The following RTN1 variants were observed in gnomAD, a reference collection of about 807,000 sequenced individuals.
RTN1 encodes the protein reticulon-1.
RTN1 carries 25 observed loss-of-function variants against 65.5 expected under a neutral mutation model. The observed-to-expected ratio is 0.38, with a 90% CI of 0.28 to 0.53. The LOEUF is 0.53. Ranked by LOEUF, RTN1 falls within the 20% of genes least tolerant of loss-of-function variation. The probability of loss-of-function intolerance (pLI) is 0.79; values close to 1 mark genes in which losing one functional copy is unlikely to be tolerated. For missense variants in RTN1, 983 were observed against 1,025.4 expected (o/e 0.96, Z 0.57); for synonymous variants, 471 against 447.6 (o/e 1.05, Z -0.66).
At chr14:59,850,876 T>A (rs1887493034) in intron 1 of RTN1, among the ~76,000 whole-genome samples, 1 of 152,180 alleles carries the variant, frequency 6.6e-6, no homozygotes, top group Admixed American at 6.5e-5. Flanking sequence ...GGGTAGGTTT[T>A]TTTCTCTTGC....
intron 8 of RTN1, among the ~76,000 whole-genome samples, chr14:59,602,265 G>C (rs1054916600): frequency 6.6e-6 from 1 of 152,012 alleles, no homozygotes; most frequent in Non-Finnish European, 1.5e-5. Context: ...TAATTAGATA[G>C]AGTTTTTGTG....
intron 3 of RTN1, among the ~76,000 whole-genome samples, chr14:59,615,498 T>C (rs987444901): frequency 1.3e-5 from 2 of 152,156 alleles, no homozygotes; most frequent in African/African-American, 4.8e-5. Context: ...CATACTGATG[T>C]GGGGCCTGAA....
At chr14:59,675,443 T>TTGG (rs754410932) in intron 3 of RTN1, among the ~76,000 whole-genome samples, 5 of 128,416 alleles carry the variant, frequency 3.9e-5, no homozygotes, top group African/African-American at 2.0e-4. Flanking sequence ...CCTATAGGAC[T>TTGG]TGGGGGGGGG....
Position 59,811,201 on chromosome 14 carries a change from T to C in RTN1, c.241+59189A>G, listed in dbSNP as rs1042124004. On this transcript the variant is annotated intron_variant, in intron 1 of 8. Transcript: ENST00000267484. ...GTCTATGGATACTCAGTAGGAATGT[T>C]TGCAGACTGTATCACTGAGTTGTAT... is the stretch of plus-strand genomic sequence containing the variant. Among the ~76,000 whole-genome samples the C allele has an allele frequency of 2.6e-5, 4 of 152,154 alleles. No individual in the cohort carries two copies. In the East Asian group the frequency reaches 7.7e-4, roughly 29 times the overall value.
chr14:59,803,638 C>T lies in RTN1; in HGVS notation c.242-57157G>A, dbSNP rs1886586258. The stretch of plus-strand genomic sequence containing the variant: ...ACAAGAGGTAAAAGTATTAATGTGA[C>T]CCACTTCTATTCATCATCCAGCTCT... On this transcript the variant is annotated intron_variant, in intron 1 of 8. Transcript: ENST00000267484. This position sits in a 1 kb window ranked among gnomAD's most constrained non-coding sequence, Gnocchi z 5.6. Among the ~76,000 whole-genome samples the T allele has an allele frequency of 2.0e-5, 3 of 152,154 alleles. No homozygotes were observed. Among genetic ancestry groups the T allele is most frequent in the Admixed American group, 2.0e-4 (3 of 15,262 alleles).
chr14:59,765,968 G>A (rs1185402204), intron 1 of RTN1, among the ~76,000 whole-genome samples: 3 of 152,174 alleles, frequency 2.0e-5, no homozygotes, highest in East Asian at 1.9e-4. Context: ...GGTGGCTCAC[G>A]CCTGTAATCC....
At chr14:59,626,235 C>T (rs1399857930) in intron 3 of RTN1, among the ~76,000 whole-genome samples, 4 of 152,104 alleles carry the variant, frequency 2.6e-5, no homozygotes, top group Admixed American at 2.6e-4. Flanking sequence ...CAGACTAGCT[C>T]CTTTCAGAAC....
intron 3 of RTN1, among the ~76,000 whole-genome samples, chr14:59,694,121 A>C (rs767851644): frequency 3.3e-5 from 5 of 152,188 alleles, no homozygotes; most frequent in African/African-American, 1.2e-4. Context: ...AAGGGTCTTC[A>C]TCGCCTTTTC....
chr14:59,639,250 T>C (rs1371441603), intron 3 of RTN1, among the ~76,000 whole-genome samples: 1 of 152,178 alleles, frequency 6.6e-6, no homozygotes, highest in Non-Finnish European at 1.5e-5. Flanking sequence ...TCAAGATCAC[T>C]GATCACAGAT....
intron 1 of RTN1, among the ~76,000 whole-genome samples, chr14:59,798,157 A>T (rs1413237082): frequency 6.6e-6 from 1 of 152,178 alleles, no homozygotes; most frequent in Non-Finnish European, 1.5e-5. Context: ...TTTTCAAAAA[A>T]TGTGTTAATT....
intron 8 of RTN1, among the ~76,000 whole-genome samples, chr14:59,599,714 C>T (rs1881519950): frequency 1.3e-5 from 2 of 152,182 alleles, no homozygotes; most frequent in South Asian, 2.1e-4. Context: ...CTGATCTATT[C>T]TGAGTATCTA....
intron 1 of RTN1, among the ~76,000 whole-genome samples, chr14:59,838,007 G>T (rs989768280): frequency 6.6e-6 from 1 of 152,090 alleles, no homozygotes; most frequent in South Asian, 2.1e-4. Flanking sequence ...TGGGTATAAT[G>T]CATGATACTG....
intron 3 of RTN1, among the ~76,000 whole-genome samples, chr14:59,695,998 C>T (rs533437277): frequency 1.6e-4 from 24 of 151,834 alleles, no homozygotes; most frequent in Non-Finnish European, 2.4e-4. Flanking sequence ...ATATAAAATA[C>T]GTAGTTTTGA....
intron 8 of RTN1, among the ~76,000 whole-genome samples, chr14:59,601,923 G>A (rs1881590868): frequency 2.0e-5 from 3 of 152,180 alleles, no homozygotes; most frequent in East Asian, 1.9e-4. Flanking sequence ...TATGCTTAAT[G>A]TGTTGATTTT....
chr14:59,713,782 C>G (rs1259639603), intron 3 of RTN1, among the ~76,000 whole-genome samples: 3 of 152,062 alleles, frequency 2.0e-5, no homozygotes, highest in African/African-American at 4.8e-5. Flanking sequence ...CAGGAAGAAG[C>G]AATAAAACAT....
Position 59,745,725 on chromosome 14 carries a change from G to T in RTN1, c.998C>A (p.Pro333His), listed in dbSNP as rs373049760. Residue 333 changes from proline to histidine, a missense_variant, in exon 2 of 9, where the codon CCT (proline) becomes CAT (histidine). This residue lies in a region of RTN1 where 818 missense variants were observed against 801.8 expected (regional missense o/e 1.02). Transcript: ENST00000267484. ...PEDDSPGSITPPSSGTEPSAA... is the reference protein window; with the variant it reads ...PEDDSPGSITHPSSGTEPSAA... ...GCCTTTACCTGTTCCAGAAGATGGA[G>T]GGGTGATAGATCCTGGGCTGTCGTC... The T allele has an allele frequency of 6.2e-7, 1 of 1,607,588 alleles. No homozygotes were observed. Among genetic ancestry groups the T allele is most frequent in the African/African-American group, 1.3e-5 (1 of 74,456 alleles).
At chr14:59,622,820 G>A (rs192723917) in intron 3 of RTN1, among the ~76,000 whole-genome samples, 110 of 152,250 alleles carry the variant, frequency 7.2e-4, no homozygotes, top group Non-Finnish European at 1.0e-3. Flanking sequence ...TAGGAGCCCT[G>A]AGCCCAGAGG....
chr14:59,618,297 C>T (rs189820574), intron 3 of RTN1, among the ~76,000 whole-genome samples: 1 of 152,314 alleles, frequency 6.6e-6, no homozygotes, highest in East Asian at 1.9e-4. Flanking sequence ...CTAAACTGCT[C>T]CTAAGATCAG....
At position 59,794,378 on chromosome 14, in the gene RTN1, A is replaced by G. The variant is rs1242357608; in HGVS notation, c.242-47897T>C. Among the ~76,000 whole-genome samples, 4 of 152,326 alleles carry G rather than the reference A, an allele frequency of 2.6e-5. No individual in the cohort carries two copies. The East Asian group carries it at 7.7e-4, about 29-fold the overall frequency. On this transcript the variant is annotated intron_variant, in intron 1 of 8. Coordinates refer to ENST00000267484, the MANE Select transcript of RTN1 (RefSeq NM_021136.3). The surrounding 1 kb of genome is among the most constrained non-coding windows in gnomAD (Gnocchi z 5.1). Reference sequence around the variant, plus strand: ...AGACAAAAAGCATCACAAACTTGAAAGTATTCTAAGCCACTGGATCAAATC... The same window carrying G: ...AGACAAAAAGCATCACAAACTTGAAGGTATTCTAAGCCACTGGATCAAATC...
Sources: gnomAD v4.1 joint callset for allele counts (sites outside exome capture counted in the v4.1 genomes callset) on GRCh38, gnomAD v4.1.1 for gene constraint, gnomAD v4.1.1 regional missense constraint, Gnocchi (gnomAD v3.1) non-coding constraint, MANE v1.5 for transcripts, NCBI Gene and HGNC (gene_info 2026-07-23, HGNC 2026-07-21) for gene names.